Variants in KCTD8 observed in about 807,000 individuals in gnomAD.
The protein encoded by KCTD8 is potassium channel tetramerization domain containing 8.
KCTD8 carries 27 observed loss-of-function variants against 31.5 expected under a neutral mutation model. The observed-to-expected ratio is 0.86, with a 90% CI of 0.63 to 1.18. The LOEUF is 1.18. Ranked by LOEUF, KCTD8 falls within the 50% of genes most tolerant of loss-of-function variation. KCTD8 has a pLI of 0.00. For missense variants in KCTD8, 658 were observed against 647.7 expected, an observed-to-expected ratio of 1.02 and a Z score of -0.17; for synonymous variants, 290 against 280.0, an observed-to-expected ratio of 1.04 and a Z score of -0.36.
intron 1 of KCTD8, among the ~76,000 whole-genome samples, chr4:44,299,912 C>T (rs1577601580): frequency 2.0e-5 from 3 of 151,752 alleles, no homozygotes; most frequent in Non-Finnish European, 1.5e-5. Flanking sequence ...CCACCACGCC[C>T]GGCTAATTTT....
intron 1 of KCTD8, among the ~76,000 whole-genome samples, chr4:44,407,033 T>A (rs140486030): frequency 6.6e-6 from 1 of 152,348 alleles, no homozygotes; most frequent in East Asian, 1.9e-4. Context: ...AATATCCTAG[T>A]AGGCATGTCC....
intron 1 of KCTD8, among the ~76,000 whole-genome samples, chr4:44,183,611 G>A (rs953851878): frequency 2.0e-5 from 3 of 152,062 alleles, no homozygotes; most frequent in African/African-American, 7.2e-5. Flanking sequence ...GAAACTAAAT[G>A]TCAATATTTT....
chr4:44,447,539 G>A, intron 1 of KCTD8, 24 bp downstream of exon 1: 1 of 1,518,606 alleles, frequency 6.6e-7, no homozygotes, highest in Non-Finnish European at 8.9e-7. Context: ...GGGGTGCTGG[G>A]AAACGCCGGG....
intron 1 of KCTD8, among the ~76,000 whole-genome samples, chr4:44,268,126 T>C (rs977648033): frequency 1.6e-4 from 25 of 152,310 alleles, no homozygotes; most frequent in Admixed American, 2.6e-4. Context: ...TTGATGAACA[T>C]TGATGCAAAA....
intron 1 of KCTD8, among the ~76,000 whole-genome samples, chr4:44,434,791 G>A (rs541783329): frequency 3.9e-5 from 6 of 151,946 alleles, no homozygotes; most frequent in Non-Finnish European, 7.4e-5. Flanking sequence ...AAAGAGACCA[G>A]ATCTAGTGTG....
At chr4:44,370,219 A>C (rs1346173462) in intron 1 of KCTD8, among the ~76,000 whole-genome samples, 3 of 151,984 alleles carry the variant, frequency 2.0e-5, no homozygotes, top group Non-Finnish European at 4.4e-5. Flanking sequence ...TACTTCCTGA[A>C]CTCAAGTCTA....
At chr4:44,446,770 C>T (rs981509273) in intron 1 of KCTD8, among the ~76,000 whole-genome samples, 3 of 152,118 alleles carry the variant, frequency 2.0e-5, no homozygotes, top group African/African-American at 7.2e-5. Context: ...TTTCTCTTCC[C>T]CTCCCTCCCC....
intron 1 of KCTD8, among the ~76,000 whole-genome samples, chr4:44,264,849 C>T (rs1423085830): frequency 1.3e-5 from 2 of 152,194 alleles, no homozygotes; most frequent in African/African-American, 4.8e-5. Flanking sequence ...GGGGTGCATG[C>T]CATTGCCCAG....
At chr4:44,440,702 TCTGCCC>T (rs1721791419) in intron 1 of KCTD8, among the ~76,000 whole-genome samples, 1 of 152,238 alleles carries the variant, frequency 6.6e-6, no homozygotes, top group South Asian at 2.1e-4. Flanking sequence ...GGCCTTAGCC[TCTGCCC>T]TGAGGGGCTG....
intron 1 of KCTD8, among the ~76,000 whole-genome samples, chr4:44,346,245 T>A (rs1050598376): frequency 6.6e-6 from 1 of 152,196 alleles, no homozygotes. Context: ...GATCATAAGA[T>A]CATTCTGCCT....
At chr4:44,433,545 G>A (rs893160337) in intron 1 of KCTD8, among the ~76,000 whole-genome samples, 2 of 151,552 alleles carry the variant, frequency 1.3e-5, no homozygotes, top group African/African-American at 4.8e-5. Flanking sequence ...AAAATGAATA[G>A]TTTATATGAT....
chr4:44,194,897 C>T (rs1328669530), intron 1 of KCTD8, among the ~76,000 whole-genome samples: 1 of 147,532 alleles, frequency 6.8e-6, no homozygotes. Flanking sequence ...TTCTTGTTGC[C>T]CAGGCTGGAG....
chr4:44,228,814 CTTA>C (rs1715038905), intron 1 of KCTD8, among the ~76,000 whole-genome samples: 1 of 152,154 alleles, frequency 6.6e-6, no homozygotes, highest in Non-Finnish European at 1.5e-5. Context: ...AGTGTAGTGA[CTTA>C]TACATTAAAG....
intron 1 of KCTD8, among the ~76,000 whole-genome samples, chr4:44,368,828 G>C (rs1261073618): frequency 6.6e-6 from 1 of 152,146 alleles, no homozygotes; most frequent in Non-Finnish European, 1.5e-5. Flanking sequence ...TTGAGAAAGG[G>C]TTAAAGTTTC....
At chr4:44,213,904 C>T (rs1246262520) in intron 1 of KCTD8, among the ~76,000 whole-genome samples, 1 of 152,106 alleles carries the variant, frequency 6.6e-6, no homozygotes. Flanking sequence ...AAAAACTCCC[C>T]TTTTATAAAG....
chr4:44,281,931 C>T (rs918787530), intron 1 of KCTD8, among the ~76,000 whole-genome samples: 2 of 151,892 alleles, frequency 1.3e-5, no homozygotes, highest in Non-Finnish European at 2.9e-5. Context: ...TATTTCATTC[C>T]CAAAATGATG....
In KCTD8 at chr4:44,406,095, C is replaced by A. The variant is rs1363746832; in HGVS notation, c.961+41468G>T. ...CTTTCTTTATAATATCCTGGACACC[C>A]TTTTCCTCTTCCCACAGTGGGGTAG... is the stretch of plus-strand genomic sequence containing the variant. On this transcript the variant is annotated intron_variant, in intron 1 of 1. Coordinates refer to ENST00000360029, the MANE Select transcript of KCTD8 (RefSeq NM_198353.3). Among the ~76,000 whole-genome samples the A allele has an allele frequency of 3.9e-5, 6 of 152,060 alleles. No individual in the cohort carries two copies. The South Asian group carries it at 6.2e-4, about 16-fold the overall frequency.
At chr4:44,300,402 A>G (rs1244261103) in intron 1 of KCTD8, among the ~76,000 whole-genome samples, 1 of 152,226 alleles carries the variant, frequency 6.6e-6, no homozygotes, top group Non-Finnish European at 1.5e-5. Flanking sequence ...ATCTCTTTTC[A>G]AATAAAAACT....
intron 1 of KCTD8, among the ~76,000 whole-genome samples, chr4:44,267,043 C>T (rs1716395261): frequency 6.6e-6 from 1 of 152,138 alleles, no homozygotes; most frequent in Non-Finnish European, 1.5e-5. Context: ...ACCAAGCAGA[C>T]CTAATAGACA....
Sources: allele counts gnomAD v4.1 joint callset (sites outside exome capture counted in the v4.1 genomes callset), GRCh38; gene constraint gnomAD v4.1.1; transcripts MANE v1.5; gene names NCBI Gene and HGNC (gene_info 2026-07-23, HGNC 2026-07-21).